Variants in GRM7 observed in about 807,000 individuals in gnomAD.
The protein encoded by GRM7 is glutamate metabotropic receptor 7.
GRM7 carries 35 observed loss-of-function variants against 84.5 expected under a neutral mutation model. The observed-to-expected ratio is 0.41, with a 90% CI of 0.32 to 0.55. GRM7 has a LOEUF of 0.55. Among genes scored for constraint, GRM7 ranks in the 20% least tolerant of loss-of-function variants. The probability of loss-of-function intolerance (pLI) is 0.19; values close to 1 mark genes in which losing one functional copy is unlikely to be tolerated. For synonymous variants in GRM7, 487 were observed against 455.1 expected, an observed-to-expected ratio of 1.07 and a Z score of -0.89; for missense variants, 1,003 against 1,194.6, an observed-to-expected ratio of 0.84 and a Z score of 2.36.
chr3:7,446,305 G>A (rs1271312890), intron 5 of GRM7, among the ~76,000 whole-genome samples: 1 of 152,098 alleles, frequency 6.6e-6, no homozygotes, highest in Non-Finnish European at 1.5e-5. Flanking sequence ...CCTTATGCTG[G>A]TTGTTCAGAT....
At chr3:6,868,114 C>T (rs1323541314) in intron 1 of GRM7, among the ~76,000 whole-genome samples, 1 of 152,138 alleles carries the variant, frequency 6.6e-6, no homozygotes, top group Non-Finnish European at 1.5e-5. Flanking sequence ...TACTTCATTT[C>T]ATTTAATTCT....
chr3:6,906,508 G>T (rs1279757886), intron 1 of GRM7, among the ~76,000 whole-genome samples: 2 of 152,010 alleles, frequency 1.3e-5, no homozygotes, highest in Admixed American at 6.6e-5. Flanking sequence ...TATTCAGTTT[G>T]ATGTCCTTCT....
intron 2 of GRM7, among the ~76,000 whole-genome samples, chr3:7,210,859 C>G (rs1304523528): frequency 6.7e-6 from 1 of 149,368 alleles, no homozygotes; most frequent in African/African-American, 2.5e-5. Flanking sequence ...AAATTTTAAA[C>G]TGATGTTACT....
chr3:6,868,789 G>A (rs1489715885), intron 1 of GRM7, among the ~76,000 whole-genome samples: 2 of 152,256 alleles, frequency 1.3e-5, no homozygotes, highest in East Asian at 3.9e-4. Flanking sequence ...GTTTGTGTGG[G>A]CCGTGGAGGG....
chr3:7,659,732 G>T (rs2125121954), intron 8 of GRM7, among the ~76,000 whole-genome samples: 2 of 152,258 alleles, frequency 1.3e-5, no homozygotes, highest in East Asian at 3.9e-4. Flanking sequence ...ACAGCAACAA[G>T]GTCTCACTGA....
At chr3:7,005,888 G>C (rs1695166450) in intron 1 of GRM7, among the ~76,000 whole-genome samples, 1 of 152,118 alleles carries the variant, frequency 6.6e-6, no homozygotes, top group Non-Finnish European at 1.5e-5. Context: ...TCAACAAAAG[G>C]CTCAGTGTTG....
rs528603022 is a variant in GRM7, at chr3:7,568,332, A to G, written c.1516-10090A>G. ...GGCAATTTACAGAAGAAAGAGCTTT[A>G]TTGGATTTACACTTCCACGTGGCTG... is the stretch of plus-strand genomic sequence containing the variant. On this transcript the variant is annotated intron_variant, in intron 7 of 9. Coordinates refer to ENST00000357716, the MANE Select transcript of GRM7 (RefSeq NM_000844.4). 2.0e-5 allele frequency among the ~76,000 whole-genome samples: 3 copies of G among 152,340 alleles called. No individual in the cohort carries two copies. In the South Asian group the frequency reaches 6.2e-4, roughly 32 times the overall value.
intron 2 of GRM7, among the ~76,000 whole-genome samples, chr3:7,275,808 C>CA (rs373220245): frequency 9.1e-4 from 138 of 152,222 alleles, no homozygotes; most frequent in African/African-American, 3.2e-3. Context: ...AAGAACCAAA[C>CA]AGAGCTCCAG....
chr3:7,490,551 T>G (rs1699482053), intron 7 of GRM7, among the ~76,000 whole-genome samples: 1 of 152,190 alleles, frequency 6.6e-6, no homozygotes, highest in African/African-American at 2.4e-5. Flanking sequence ...TATCACTTGT[T>G]GTAGCATATT....
intron 4 of GRM7, among the ~76,000 whole-genome samples, chr3:7,365,647 G>GTATATATA (rs755999982): frequency 1.5e-5 from 2 of 130,052 alleles, no homozygotes; most frequent in African/African-American, 5.6e-5. Context: ...GTGCGTGTGT[G>GTATATATA]TATATATATA....
chr3:7,128,201 C>G (rs1429509228), intron 1 of GRM7, among the ~76,000 whole-genome samples: 1 of 151,834 alleles, frequency 6.6e-6, no homozygotes, highest in Non-Finnish European at 1.5e-5. Context: ...GATTCCTACA[C>G]TTGTTTTTCA....
At chr3:7,537,946 C>A (rs950904796) in intron 7 of GRM7, among the ~76,000 whole-genome samples, 2 of 152,122 alleles carry the variant, frequency 1.3e-5, no homozygotes, top group Non-Finnish European at 2.9e-5. Context: ...TTTCCCCGCT[C>A]CCCACCAGAA....
intron 7 of GRM7, among the ~76,000 whole-genome samples, chr3:7,492,119 C>T (rs538950217): frequency 9.2e-5 from 14 of 152,050 alleles, no homozygotes; most frequent in Admixed American, 1.3e-4. Context: ...TACAAATATG[C>T]GCTGAGGATT....
At chr3:7,450,420 C>G (rs1163237473) in intron 5 of GRM7, among the ~76,000 whole-genome samples, 1 of 152,074 alleles carries the variant, frequency 6.6e-6, no homozygotes, top group Non-Finnish European at 1.5e-5. Flanking sequence ...CAAAACTCCT[C>G]CACTTCTCAA....
chr3:7,495,743 C>T (rs186459388), intron 7 of GRM7, among the ~76,000 whole-genome samples: 5 of 152,304 alleles, frequency 3.3e-5, no homozygotes, highest in East Asian at 1.9e-4. Flanking sequence ...CTACCTTGAA[C>T]GTCTTCTGTT....
chr3:6,873,239 T>C (rs568820676), intron 1 of GRM7, among the ~76,000 whole-genome samples: 1 of 152,062 alleles, frequency 6.6e-6, no homozygotes, highest in Non-Finnish European at 1.5e-5. Context: ...GCCTGGCTAA[T>C]TTTTTGTATT....
intron 4 of GRM7, among the ~76,000 whole-genome samples, chr3:7,414,773 T>C (rs908116731): frequency 6.6e-6 from 1 of 152,114 alleles, no homozygotes; most frequent in African/African-American, 2.4e-5. Flanking sequence ...TTCTTATAAC[T>C]CTGTTTTCTC....
At chr3:7,481,622 G>A (rs941846599) in intron 7 of GRM7, among the ~76,000 whole-genome samples, 2 of 152,170 alleles carry the variant, frequency 1.3e-5, no homozygotes, top group African/African-American at 4.8e-5. Flanking sequence ...TAAGGATAAT[G>A]ATAACTCTTA....
At chr3:7,041,905 G>C (rs1696634013) in intron 1 of GRM7, among the ~76,000 whole-genome samples, 1 of 152,136 alleles carries the variant, frequency 6.6e-6, no homozygotes, top group South Asian at 2.1e-4. Context: ...CATTATCAAT[G>C]GCCAATGACT....
Sources: gnomAD v4.1 joint callset for allele counts (sites outside exome capture counted in the v4.1 genomes callset) on GRCh38, gnomAD v4.1.1 for gene constraint, MANE v1.5 for transcripts, NCBI Gene and HGNC (gene_info 2026-07-23, HGNC 2026-07-21) for gene names.